The following NDUFA10 variants were observed in gnomAD, a reference collection of about 807,000 sequenced individuals.
NDUFA10 encodes the protein NADH dehydrogenase [ubiquinone] 1 alpha subcomplex subunit 10, mitochondrial.
A neutral mutation model predicts 47.8 loss-of-function variants in NDUFA10; 40 were observed. The ratio of observed to expected loss-of-function variants is 0.84; its 90% CI spans 0.65 to 1.09. The LOEUF (loss-of-function observed/expected upper bound fraction) is 1.09, where lower values mean the gene tolerates loss of function less well. Ranked by LOEUF, NDUFA10 falls within the 50% of genes least tolerant of loss-of-function variation. NDUFA10 has a pLI of 0.00. For missense variants in NDUFA10, 413 were observed against 451.1 expected (o/e 0.92, Z 0.76); for synonymous variants, 183 against 172.2 (o/e 1.06, Z -0.49).
intron 4 of NDUFA10, among the ~76,000 whole-genome samples, chr2:239,900,591 C>T (rs2106464367): frequency 7.9e-6 from 1 of 126,298 alleles, no homozygotes; most frequent in South Asian, 2.5e-4. Context: ...AAAAAAAAAC[C>T]CATGTGTGTG....
In NDUFA10 at chr2:240,020,682, G is replaced by A. The variant is rs145199471; in HGVS notation, c.460+515C>T. Among the ~76,000 whole-genome samples the A allele has an allele frequency of 1.2e-3, 175 of 152,166 alleles. 2 individuals carry two copies. Among genetic ancestry groups the A allele is most frequent in the African/African-American group, 4.1e-3 (170 of 41,504 alleles). ...TTCAAGGGAAGCATCCTCCCCTACT[G>A]CACTGGCCTATGGGACCCTGTGTGT... On this transcript the variant is annotated intron_variant, in intron 3 of 9. Coordinates refer to ENST00000252711, the MANE Select transcript of NDUFA10 (RefSeq NM_004544.4).
intron 9 of NDUFA10, among the ~76,000 whole-genome samples, chr2:239,971,065 C>T (rs1695285210): frequency 6.6e-6 from 1 of 152,170 alleles, no homozygotes; most frequent in Non-Finnish European, 1.5e-5. Context: ...ACTTAACAGC[C>T]CTACTACTGC....
intron 4 of NDUFA10, chr2:240,017,798 C>G: frequency 1.3e-6 from 2 of 1,549,434 alleles, no homozygotes; most frequent in Non-Finnish European, 1.7e-6. Flanking sequence ...CAGGCGCCTC[C>G]TCCACAGAAT....
intron 7 of NDUFA10, among the ~76,000 whole-genome samples, chr2:240,006,841 G>C: frequency 6.6e-6 from 1 of 152,132 alleles, no homozygotes; most frequent in Middle Eastern, 3.4e-3. Flanking sequence ...TACTACAATC[G>C]TATAGTTTGT....
At chr2:239,953,842 C>A (rs1007828409), downstream of NDUFA10, among the ~76,000 whole-genome samples, 13 of 152,242 alleles carry the variant, frequency 8.5e-5, no homozygotes, top group Admixed American at 2.0e-4. Context: ...AAAATAGACT[C>A]CGCTTCCAAA....
chr2:239,947,322 C>T (rs1307745630), intron 4 of NDUFA10, among the ~76,000 whole-genome samples: 1 of 152,230 alleles, frequency 6.6e-6, no homozygotes, highest in African/African-American at 2.4e-5. Flanking sequence ...ACACCAACTC[C>T]CAGAGCCCCC....
chr2:239,983,623 G>A, intron 9 of NDUFA10: 1 of 1,589,144 alleles, frequency 6.3e-7, no homozygotes, highest in Middle Eastern at 1.7e-4. Flanking sequence ...GGAGCCCACG[G>A]TCAGGGCCAC....
chr2:239,902,747 T>C (rs1000653485), intron 4 of NDUFA10, among the ~76,000 whole-genome samples: 6 of 152,294 alleles, frequency 3.9e-5, no homozygotes, highest in Admixed American at 1.3e-4. Flanking sequence ...CAAAGGTAAT[T>C]TGGTGACACC....
At chr2:239,916,019 TAG>T (rs547850082) in intron 4 of NDUFA10, among the ~76,000 whole-genome samples, 1 of 139,326 alleles carries the variant, frequency 7.2e-6, no homozygotes, top group African/African-American at 2.7e-5. Context: ...TACAGATACA[TAG>T]AGAGACACAC....
chr2:240,025,184 C>A, intron 1 of NDUFA10, 43 bp downstream of exon 1: 1 of 729,844 alleles, frequency 1.4e-6, no homozygotes, highest in East Asian at 5.4e-5. Flanking sequence ...GCCACCCCGC[C>A]ACCCTGCCAC....
intron 4 of NDUFA10, among the ~76,000 whole-genome samples, chr2:239,923,044 T>A (rs1694014612): frequency 6.6e-6 from 1 of 152,108 alleles, no homozygotes; most frequent in African/African-American, 2.4e-5. Context: ...AAAGTAGGTG[T>A]CAGAGCAAAG....
At chr2:239,975,625 C>T (rs985222556) in intron 9 of NDUFA10, among the ~76,000 whole-genome samples, 2 of 152,192 alleles carry the variant, frequency 1.3e-5, no homozygotes, top group Admixed American at 1.3e-4. Context: ...CTCGGGGTGA[C>T]CTGGTATTGT....
At chr2:239,982,204 G>A (rs986228510) in intron 9 of NDUFA10, 1 of 1,612,808 alleles carries the variant, frequency 6.2e-7, no homozygotes. Flanking sequence ...GCCCGCTGCG[G>A]GTAGGGGATC....
At chr2:239,974,428 T>C (rs1695428698) in intron 9 of NDUFA10, among the ~76,000 whole-genome samples, 1 of 152,216 alleles carries the variant, frequency 6.6e-6, no homozygotes, top group Non-Finnish European at 1.5e-5. Flanking sequence ...TAAGATCCAC[T>C]CTGCTGTGAA....
intron 4 of NDUFA10, among the ~76,000 whole-genome samples, chr2:239,909,169 C>T (rs957847362): frequency 5.9e-5 from 9 of 151,972 alleles, no homozygotes; most frequent in Admixed American, 5.2e-4. Context: ...ACAGATGGAC[C>T]CTAGAGGAAT....
chr2:239,933,539 C>T (rs1003594407), intron 4 of NDUFA10, among the ~76,000 whole-genome samples: 21 of 92,194 alleles, frequency 2.3e-4, no homozygotes, highest in East Asian at 1.9e-3. Flanking sequence ...TTTGTTTTGA[C>T]GGAATCTCGC....
chr2:239,952,886 C>A (rs1257032313), downstream of NDUFA10, among the ~76,000 whole-genome samples: 1 of 152,252 alleles, frequency 6.6e-6, no homozygotes, highest in Non-Finnish European at 1.5e-5. Context: ...CGCTGCTCCA[C>A]GCCTTCTCTG....
intron 4 of NDUFA10, among the ~76,000 whole-genome samples, chr2:239,916,893 C>G (rs1294596380): frequency 2.0e-5 from 3 of 152,260 alleles, no homozygotes; most frequent in Non-Finnish European, 4.4e-5. Flanking sequence ...CCCCTGGGGT[C>G]AGACTCAGAC....
At chr2:239,954,443 G>A (rs1313720979), downstream of NDUFA10, among the ~76,000 whole-genome samples, 4 of 152,240 alleles carry the variant, frequency 2.6e-5, no homozygotes, top group South Asian at 2.1e-4. Context: ...GTGTCCTCAC[G>A]CGCTCCTTCA....
Sources: allele counts gnomAD v4.1 joint callset (sites outside exome capture counted in the v4.1 genomes callset), GRCh38; gene constraint gnomAD v4.1.1; transcripts MANE v1.5; gene names NCBI Gene and HGNC (gene_info 2026-07-23, HGNC 2026-07-21).